REXO4: variants seen among roughly 807,000 people sequenced by gnomAD.
REXO4 encodes the protein REX4 homolog, 3'-5' exonuclease.
Under a neutral mutation model 39.9 loss-of-function variants are expected in REXO4, and 29 were observed. The observed-to-expected ratio is 0.73, with a 90% CI of 0.54 to 0.99. The LOEUF is 0.99. Among genes scored for constraint, REXO4 ranks in the 50% least tolerant of loss-of-function variants. The pLI is 0.00. For missense variants in REXO4, 524 were observed against 546.5 expected (o/e 0.96, Z 0.41); for synonymous variants, 184 against 206.2 (o/e 0.89, Z 0.92).
chr9:133,415,052 A>G, intron 1 of REXO4, 41 bp from the exon 2 acceptor site: 1 of 1,525,340 alleles, frequency 6.6e-7, no homozygotes, highest in Non-Finnish European at 8.8e-7. Context: ...TTGAATTTGG[A>G]AATTACACAC....
Position 133,417,983 on chromosome 9 carries a change from C to T in REXO4, c.-139G>A, listed in dbSNP as rs1839780990. On this transcript the variant is annotated 5_prime_UTR_variant, in exon 1 of 8. Transcript: ENST00000371942. ...AGGGACCCCGTCCAGGAAAAGACTC[C>T]GGAAGAGACCCCGCACGCGTTGCGC... 2 of 747,318 alleles carry T rather than the reference C, an allele frequency of 2.7e-6. No individual in the cohort carries two copies. The highest frequency in any genetic ancestry group is 2.1e-6 in the Non-Finnish European group (1 of 470,860). 46.3% of individuals were successfully genotyped at this position (747,318 alleles called of 1,614,324 possible).
In REXO4 at chr9:133,407,873, C is replaced by G. The variant is rs782051748; in HGVS notation, c.1083G>C (p.Arg361Ser). 2 of 1,613,618 alleles carry G rather than the reference C, an allele frequency of 1.2e-6. No individual in the cohort carries two copies. The highest frequency in any genetic ancestry group is 1.3e-5 in the African/African-American group (1 of 75,038). The change falls in exon 7 of 8, where the codon AGG becomes AGC. Residue 361 changes from arginine to serine, a missense_variant. By Grantham distance (110) the Arg-to-Ser change is moderately radical. Coordinates refer to ENST00000371942, the MANE Select transcript of REXO4 (RefSeq NM_020385.4). ...KPFKSQVKSG[R>S]PSLRLLSEKI... Reference sequence around the variant, plus strand: ...TCTCTGAAAGTAGTCTCAGAGACGGCCTTCCACTCTGCAAAGGGGGAAGAG... The same window carrying G: ...TCTCTGAAAGTAGTCTCAGAGACGGGCTTCCACTCTGCAAAGGGGGAAGAG...
At position 133,417,030 on chromosome 9, in the gene REXO4, A is replaced by T. The variant is rs782377036; in HGVS notation, c.225+590T>A. 7.5e-4 allele frequency among the ~76,000 whole-genome samples: 114 copies of T among 152,252 alleles called. 1 individual carries two copies. Among genetic ancestry groups the T allele is most frequent in the Middle Eastern group, 6.8e-3 (2 of 294 alleles). On this transcript the variant is annotated intron_variant, in intron 1 of 7. Transcript: ENST00000371942. ...TGTGTTCTTTCGTTGTTGTTGTTTG[A>T]GATGGAGTCTCGCTCTGTCGCCCAG...
intron 4 of REXO4, among the ~76,000 whole-genome samples, chr9:133,411,794 C>T (rs1285333977): frequency 1.3e-5 from 2 of 151,790 alleles, no homozygotes; most frequent in Non-Finnish European, 2.9e-5. Flanking sequence ...GGTGTGGTGG[C>T]ATATGCCTGT....
Position 133,406,813 on chromosome 9 carries a change from C to A in REXO4, c.*140G>T. 1 of 1,258,878 alleles carries A rather than the reference C, an allele frequency of 7.9e-7. No homozygotes were observed. Among genetic ancestry groups the A allele is most frequent in the Admixed American group, 1.9e-5 (1 of 51,410 alleles). The allele number at this position is 1,258,878 out of a possible 1,614,324, so 78.0% of individuals were successfully genotyped here. A position where few individuals can be genotyped will look rare whatever the true frequency, so the allele number is the denominator to read the frequency against. The stretch of plus-strand genomic sequence containing the variant: ...AAGTCAAGAGGAAGGAGGACCTTCT[C>A]AGTAGCACCACGCCACGCCCCTCTG... On this transcript the variant is annotated 3_prime_UTR_variant, in exon 8 of 8. Coordinates refer to ENST00000371942, the MANE Select transcript of REXO4 (RefSeq NM_020385.4).
At chr9:133,411,576 G>A (rs1464465250) in intron 4 of REXO4, among the ~76,000 whole-genome samples, 1 of 152,192 alleles carries the variant, frequency 6.6e-6, no homozygotes, top group Non-Finnish European at 1.5e-5. Flanking sequence ...CCCCCGAACA[G>A]GGGTGATTAG....
intron 5 of REXO4, 91 bp from the exon 6 acceptor site, chr9:133,408,933 T>TC (rs1491207917): frequency 1.0e-5 from 4 of 398,542 alleles, no homozygotes; most frequent in African/African-American, 3.0e-5. Flanking sequence ...AAGTAACATC[T>TC]TTGTGTGTGT....
upstream of REXO4, chr9:133,418,071 C>T (rs587746024): frequency 1.6e-5 from 9 of 550,814 alleles, no homozygotes; most frequent in African/African-American, 7.9e-5. Context: ...GGCTGGAAAC[C>T]GGATCCCTGC....
chr9:133,408,110 A>G (rs1839011494), intron 6 of REXO4, among the ~76,000 whole-genome samples: 1 of 152,096 alleles, frequency 6.6e-6, no homozygotes, highest in Admixed American at 6.5e-5. Context: ...GGGCCAGGGG[A>G]GGAGTCAGCA....
intron 2 of REXO4, chr9:133,414,350 A>T (rs975937198): frequency 3.0e-5 from 17 of 566,618 alleles, no homozygotes; most frequent in Non-Finnish European, 5.7e-5. Flanking sequence ...AACTTGCCCC[A>T]AACCACCCAA....
At chr9:133,411,709 C>G (rs1839219151) in intron 4 of REXO4, among the ~76,000 whole-genome samples, 1 of 152,014 alleles carries the variant, frequency 6.6e-6, no homozygotes, top group Non-Finnish European at 1.5e-5. Flanking sequence ...GGCGGATCAC[C>G]TGAGTTCGGG....
rs1554781159 is a variant in REXO4, at chr9:133,414,774, T to C, written c.463A>G (p.Asn155Asp). Residue 155 changes from asparagine (N) to aspartate (D), a missense_variant, in exon 2 of 8, where the codon AAT becomes GAT. Asn to Asp is a conservative substitution (Grantham distance 23). Transcript: ENST00000371942. ...GTCCTTTCCTTGGTTCCTTTCTTATTGTGCTCTGTTCCACTGGCCTTGGTG... is the reference window on the plus strand; with the variant it reads ...GTCCTTTCCTTGGTTCCTTTCTTATCGTGCTCTGTTCCACTGGCCTTGGTG... Reference protein sequence around the residue: ...PRTKASGTEHNKKGTKERTNG... With the variant: ...PRTKASGTEHDKKGTKERTNG... 6.2e-7 allele frequency: 1 copy of C among 1,614,212 alleles called. No individual in the cohort carries two copies. The highest frequency in any genetic ancestry group is 1.7e-5 in the Admixed American group (1 of 60,034).
rs782661372 is a variant in REXO4, at chr9:133,407,818, C to T, written c.1138G>A (p.Glu380Lys). Residue 380 changes from glutamate (E) to lysine (K), a missense_variant, in exon 7 of 8, where the codon GAG becomes AAG. Physicochemically the swap from Glu to Lys is moderately conservative, Grantham distance 56. Transcript: ENST00000371942. ...KILGLQVQQA[E>K]HCSIQDAQAA... ...CAGGACACACTTACTGAACAGTGCT[C>T]CGCCTGCTGGACCTGGAGCCCAAGG... is the stretch of plus-strand genomic sequence containing the variant. The T allele has an allele frequency of 3.7e-6, 6 of 1,613,906 alleles. No homozygotes were observed. The South Asian group carries it at 5.5e-5, about 15-fold the overall frequency.
chr9:133,417,101 C>T (rs1012943508), intron 1 of REXO4, among the ~76,000 whole-genome samples: 2 of 152,208 alleles, frequency 1.3e-5, no homozygotes, highest in African/African-American at 2.4e-5. Context: ...GCCTCTGCCT[C>T]CCGGGTTCAA....
At chr9:133,411,697 C>G (rs1022928427) in intron 4 of REXO4, among the ~76,000 whole-genome samples, 1 of 152,040 alleles carries the variant, frequency 6.6e-6, no homozygotes, top group Admixed American at 6.5e-5. Flanking sequence ...GAGGCGGAGG[C>G]AGGCGGATCA....
upstream of REXO4, chr9:133,418,139 G>A: frequency 2.2e-6 from 1 of 451,220 alleles, no homozygotes; most frequent in Non-Finnish European, 3.9e-6. Flanking sequence ...CGCCGCCTTA[G>A]CCAGCGGCAT....
At chr9:133,418,154 G>T, upstream of REXO4, 1 of 418,346 alleles carries the variant, frequency 2.4e-6, no homozygotes, top group Non-Finnish European at 4.3e-6. Context: ...CGGCATCCGG[G>T]GTCATCGACC....
chr9:133,417,623 T>C lies in REXO4; in HGVS notation c.222A>G (p.Gln74=). ...CCCGGGCCCCCTCAAGCCTCACCTC[T>C]TGCAGCGCCTTCCAGTTTTGAGAAA... The part of the protein sequence containing the change: ...EDFSQNWKAL[Q]EWLLKQKSQA... Residue 74 remains glutamine, a synonymous_variant, in exon 1 of 8, where the codon CAA becomes CAG. Coordinates refer to ENST00000371942, the MANE Select transcript of REXO4 (RefSeq NM_020385.4). 2 of 1,613,512 alleles carry C rather than the reference T, an allele frequency of 1.2e-6. No individual in the cohort carries two copies. The highest frequency in any genetic ancestry group is 1.3e-5 in the African/African-American group (1 of 75,062).
intron 2 of REXO4, chr9:133,414,430 G>A (rs587695021): frequency 1.7e-5 from 12 of 688,014 alleles, no homozygotes; most frequent in East Asian, 5.5e-5. Context: ...TTCCACACAC[G>A]TGTACTGGCA....
Sources: allele counts gnomAD v4.1 joint callset (sites outside exome capture counted in the v4.1 genomes callset), GRCh38; gene constraint gnomAD v4.1.1; transcripts MANE v1.5; gene names NCBI Gene and HGNC (gene_info 2026-07-23, HGNC 2026-07-21).